Variants in GSDMD observed in about 807,000 individuals in gnomAD.
GSDMD encodes the protein gasdermin D.
In GSDMD, 46 loss-of-function variants were observed where a neutral mutation model predicts 46.7. That is an observed-to-expected ratio of 0.99 (90% CI 0.78 to 1.26). The LOEUF (loss-of-function observed/expected upper bound fraction) is 1.26. Ranked by LOEUF, GSDMD falls within the 50% of genes most tolerant of loss-of-function variation. The probability of loss-of-function intolerance (pLI) is 0.00; values close to 1 mark genes in which losing one functional copy is unlikely to be tolerated. For missense variants in GSDMD, 649 were observed against 638.8 expected, an observed-to-expected ratio of 1.02 and a Z score of -0.17; for synonymous variants, 307 against 283.1, an observed-to-expected ratio of 1.08 and a Z score of -0.85.
upstream of GSDMD, among the ~76,000 whole-genome samples, chr8:143,554,077 G>A (rs933889494): frequency 6.6e-6 from 1 of 152,242 alleles, no homozygotes; most frequent in African/African-American, 2.4e-5. Flanking sequence ...GGCTGTACAG[G>A]GCTTTCCAGG....
chr8:143,560,316 G>C, intron 3 of GSDMD: 2 of 689,734 alleles, frequency 2.9e-6, no homozygotes, highest in Non-Finnish European at 5.3e-6. Context: ...GGATCCTAAG[G>C]ACCGGACTGA....
rs1005100654 is a variant in GSDMD at position 143,558,411 on chromosome 8, G to C, written c.-45G>C. 58 of 1,508,020 alleles carry C rather than the reference G, an allele frequency of 3.8e-5. No individual in the cohort carries two copies. Among genetic ancestry groups the C allele is most frequent in the Non-Finnish European group, 4.9e-5 (56 of 1,135,004 alleles). The allele number at this position is 1,508,020 out of a possible 1,614,324, so 93.4% of individuals were successfully genotyped here. On this transcript the variant is annotated 5_prime_UTR_variant, in exon 1 of 11. Coordinates refer to ENST00000262580, the MANE Select transcript of GSDMD (RefSeq NM_024736.7). ...CGCCGGACGGCTCCCAGGGAGAGCA[G>C]ACGCGCCAGACGCGCCACCCTCGGG... is the stretch of plus-strand genomic sequence containing the variant.
chr8:143,559,243 A>G, intron 1 of GSDMD, 89 bp from the exon 2 acceptor site: 1 of 814,306 alleles, frequency 1.2e-6, no homozygotes, highest in Non-Finnish European at 2.0e-6. Flanking sequence ...GGAGTCCCCC[A>G]TCATGGGAGA....
At chr8:143,557,711 GT>G (rs1323416943), upstream of GSDMD, among the ~76,000 whole-genome samples, 1 of 152,216 alleles carries the variant, frequency 6.6e-6, no homozygotes, top group African/African-American at 2.4e-5. Context: ...CCCCGCGCTG[GT>G]TATTCACCTT....
rs1428838918 is a variant in GSDMD at position 143,559,425 on chromosome 8, C to T, written c.90C>T (p.Ser30=). 1 of 1,612,968 alleles carries T rather than the reference C, an allele frequency of 6.2e-7. No individual in the cohort carries two copies. The highest frequency in any genetic ancestry group is 1.7e-5 in the Admixed American group (1 of 60,034). The change falls in exon 2 of 11, where the codon AGC becomes AGT. Residue 30 remains serine (S), a synonymous_variant. Coordinates refer to ENST00000262580, the MANE Select transcript of GSDMD (RefSeq NM_024736.7). ...GEFIPVTSLQ[S]STGFQPYCLV... is the part of the protein sequence containing the mutation. ...TCATCCCTGTGACCAGCCTGCAGAG[C>T]TCCACTGGCTTCCAGCCCTACTGCC...
At chr8:143,556,186 G>C (rs1320503479), upstream of GSDMD, among the ~76,000 whole-genome samples, 1 of 152,058 alleles carries the variant, frequency 6.6e-6, no homozygotes, top group African/African-American at 2.4e-5. Context: ...ACTCCAGTCT[G>C]GGCAAAAAAG....
At chr8:143,558,891 A>G (rs1400785821) in intron 1 of GSDMD, 2 of 463,242 alleles carry the variant, frequency 4.3e-6, no homozygotes, top group African/African-American at 4.5e-5. Flanking sequence ...AGGCACAGAG[A>G]AGGCCCTGGA....
At chr8:143,561,470 C>T (rs770475103) in intron 6 of GSDMD, 47 bp downstream of exon 6, 6 of 1,572,862 alleles carry the variant, frequency 3.8e-6, no homozygotes, top group Non-Finnish European at 2.6e-6. Flanking sequence ...GGGAAAAGCA[C>T]ACTCCCTGGG....
In GSDMD at chr8:143,558,393, C is replaced by G. The variant is rs764621237; in HGVS notation, c.-63C>G. On this transcript the variant is annotated 5_prime_UTR_variant, in exon 1 of 11. Coordinates refer to ENST00000262580, the MANE Select transcript of GSDMD (RefSeq NM_024736.7). ...GCACCTCCAGCTCCTGCTCGCCGGA[C>G]GGCTCCCAGGGAGAGCAGACGCGCC... 6.6e-7 allele frequency: 1 copy of G among 1,518,870 alleles called. No individual in the cohort carries two copies. The highest frequency in any genetic ancestry group is 2.0e-5 in the Admixed American group (1 of 48,976). 94.1% of individuals were successfully genotyped at this position (1,518,870 alleles called of 1,614,324 possible).
At chr8:143,557,706 C>T (rs553237652), upstream of GSDMD, among the ~76,000 whole-genome samples, 4 of 152,360 alleles carry the variant, frequency 2.6e-5, no homozygotes, top group East Asian at 1.9e-4. Flanking sequence ...GTGCCCCCCG[C>T]GCTGGTTATT....
chr8:143,553,950 T>C (rs942512669), upstream of GSDMD, among the ~76,000 whole-genome samples: 9 of 145,250 alleles, frequency 6.2e-5, no homozygotes, highest in African/African-American at 2.0e-4. Context: ...TCCCGGAAAA[T>C]AAGCCTGGGC....
upstream of GSDMD, chr8:143,558,148 G>A (rs1382654831): frequency 1.6e-6 from 1 of 612,584 alleles, no homozygotes; most frequent in Non-Finnish European, 2.7e-6. Flanking sequence ...CCCGGGCACA[G>A]GCTCAGAGTT....
chr8:143,561,488 G>A (rs1202695702), intron 6 of GSDMD, 65 bp downstream of exon 6: 1 of 1,495,288 alleles, frequency 6.7e-7, no homozygotes. Flanking sequence ...GGGCAGTTGA[G>A]GCCTTCTCCT....
intron 2 of GSDMD, 26 bp downstream of exon 2, chr8:143,559,578 G>GC (rs746018079): frequency 1.3e-6 from 2 of 1,599,910 alleles, no homozygotes; most frequent in Non-Finnish European, 1.7e-6. Flanking sequence ...CTGAGGCAGA[G>GC]CCCCAGGGAG....
At chr8:143,561,448 G>A in intron 6 of GSDMD, 25 bp downstream of exon 6, 1 of 1,605,194 alleles carries the variant, frequency 6.2e-7, no homozygotes, top group Non-Finnish European at 8.5e-7. Context: ...CCCCCAGCAT[G>A]GGGTGTCCGG....
At chr8:143,561,499 C>A in intron 6 of GSDMD, 76 bp downstream of exon 6, 1 of 1,442,542 alleles carries the variant, frequency 6.9e-7, no homozygotes, top group South Asian at 1.2e-5. Context: ...GCCTTCTCCT[C>A]ATGTTCTCAG....
rs901683469 is a variant in GSDMD at position 143,562,072 on chromosome 8, C to T, written c.937C>T (p.Leu313=). The change falls in exon 8 of 11, where the codon CTG becomes TTG. Residue 313 remains leucine, a synonymous_variant. Coordinates refer to ENST00000262580, the MANE Select transcript of GSDMD (RefSeq NM_024736.7). The part of the protein sequence containing the change: ...LLDRELCQLL[L]EGLEGVLRDQ... ...GGACAGAGAGCTGTGCCAGCTGCTG[C>T]TGGAGGGCCTGGAGGGGGTGCTGCG... The T allele has an allele frequency of 1.9e-6, 3 of 1,595,286 alleles. No individual in the cohort carries two copies. The highest frequency in any genetic ancestry group is 1.3e-5 in the African/African-American group (1 of 74,798).
At chr8:143,561,140 C>G in intron 5 of GSDMD, 36 bp downstream of exon 5, 1 of 1,590,158 alleles carries the variant, frequency 6.3e-7, no homozygotes, top group South Asian at 1.1e-5. Flanking sequence ...GGCCCAGGCC[C>G]TGGCAGAGAA....
At chr8:143,554,436 G>A (rs2130554430), upstream of GSDMD, among the ~76,000 whole-genome samples, 1 of 148,958 alleles carries the variant, frequency 6.7e-6, no homozygotes, top group East Asian at 2.0e-4. Context: ...GCACAAACAT[G>A]CACAAAACAC....
Sources: gnomAD v4.1 joint callset for allele counts (sites outside exome capture counted in the v4.1 genomes callset) on GRCh38, gnomAD v4.1.1 for gene constraint, MANE v1.5 for transcripts, NCBI Gene and HGNC (gene_info 2026-07-23, HGNC 2026-07-21) for gene names.